Variants in DOCK11 observed in about 807,000 individuals in gnomAD.
DOCK11 encodes the protein dedicator of cytokinesis 11, also known as dedicator of cytokinesis protein 11.
A neutral mutation model predicts 169.1 loss-of-function variants in DOCK11; 70 were observed. The observed-to-expected ratio is 0.41, with a 90% CI of 0.34 to 0.51. The LOEUF is 0.51. DOCK11 is among the 20% of genes least tolerant of loss of function. The pLI, the probability that DOCK11 is intolerant of heterozygous loss-of-function variation, is 0.10. For missense variants in DOCK11, 1,166 were observed against 1,538.8 expected (o/e 0.76, Z 4.05); for synonymous variants, 529 against 541.3 (o/e 0.98, Z 0.32).
intron 34 of DOCK11, among the ~76,000 whole-genome samples, chrX:118,629,569 A>G (rs2015185301): frequency 8.9e-6 from 1 of 112,073 alleles, no homozygotes; most frequent in African/African-American, 3.2e-5. Flanking sequence ...ACACATCAGT[A>G]CTTTGTAGAG....
intron 51 of DOCK11, among the ~76,000 whole-genome samples, chrX:118,682,031 A>G (rs1244467971): frequency 8.9e-6 from 1 of 111,745 alleles, no homozygotes; most frequent in Admixed American, 9.6e-5. Flanking sequence ...CCAGTTTACT[A>G]TATTGCTTTG....
intron 39 of DOCK11, among the ~76,000 whole-genome samples, chrX:118,642,439 A>G (rs2015556353): frequency 8.9e-6 from 1 of 112,256 alleles, no homozygotes; most frequent in Non-Finnish European, 1.9e-5. Context: ...TATACCTGAA[A>G]CTGGTGAATT....
intron 52 of DOCK11, among the ~76,000 whole-genome samples, chrX:118,685,237 A>C (rs2016832534): frequency 9.0e-6 from 1 of 111,666 alleles, no homozygotes; most frequent in Admixed American, 9.6e-5. Flanking sequence ...TAAGACTTTT[A>C]TCTTCATTTA....
chrX:118,628,467 G>T (rs1007360399), intron 34 of DOCK11, among the ~76,000 whole-genome samples, 195 bp downstream of exon 34: 1 of 112,248 alleles, frequency 8.9e-6, no homozygotes, highest in Non-Finnish European at 1.9e-5. Context: ...ACTATTTATA[G>T]AGAATAAGGC....
Position 118,507,842 on chromosome X carries a change from A to G in DOCK11, c.102+11769A>G, listed in dbSNP as rs58216740. Among the ~76,000 whole-genome samples, 281 of 111,558 alleles carry G rather than the reference A, an allele frequency of 2.5e-3. 2 individuals carry two copies. Among genetic ancestry groups the G allele is most frequent in the African/African-American group, 8.4e-3 (257 of 30,683 alleles). On this transcript the variant is annotated intron_variant, in intron 1 of 52. Coordinates refer to ENST00000276202, the MANE Select transcript of DOCK11 (RefSeq NM_144658.4). ...CAGTGAGGCAGGCCATAGGTTATTT[A>G]TATTAATGAAATGACAGAGCAGGTA...
Position 118,578,531 on chromosome X carries a change from T to C in DOCK11, c.1396T>C (p.Phe466Leu). The C allele has an allele frequency of 8.3e-7, 1 of 1,208,404 alleles. No homozygotes were observed. ...SQLRYIQQGI[F>L]SVTNPHPEIF... ...GGAAGTACTTTTTTCCCAGGGAATT[T>C]TCTCAGTGACGAATCCACATCCTGA... Residue 466 changes from phenylalanine (F) to leucine (L), a missense_variant, in exon 13 of 53, where the codon TTC becomes CTC. By Grantham distance (22) the Phe-to-Leu change is conservative. Transcript: ENST00000276202.
intron 6 of DOCK11, among the ~76,000 whole-genome samples, chrX:118,548,476 A>G (rs1432024472): frequency 9.0e-6 from 1 of 111,689 alleles, no homozygotes; most frequent in Non-Finnish European, 1.9e-5. Flanking sequence ...GGGTGGGCCC[A>G]GTGCAATTTC....
chrX:118,671,345 C>G (rs2016467068), intron 46 of DOCK11, among the ~76,000 whole-genome samples, 200 bp downstream of exon 46: 1 of 111,509 alleles, frequency 9.0e-6, no homozygotes, highest in Non-Finnish European at 1.9e-5. Context: ...GTGACAATTC[C>G]TAAAAATGCT....
At chrX:118,626,053 C>T (rs976369764) in intron 32 of DOCK11, among the ~76,000 whole-genome samples, 13 of 106,923 alleles carry the variant, frequency 1.2e-4, no homozygotes, top group Non-Finnish European at 7.7e-5. Context: ...ATCTGTCATT[C>T]CAAATCCTTT....
chrX:118,623,620 G>T (rs2015026450), intron 31 of DOCK11, among the ~76,000 whole-genome samples: 1 of 112,810 alleles, frequency 8.9e-6, no homozygotes, highest in Non-Finnish European at 1.9e-5. Flanking sequence ...CTGTTAAGAA[G>T]GGAAGGGTTT....
At chrX:118,511,872 GTTGC>G (rs1436172508) in intron 1 of DOCK11, among the ~76,000 whole-genome samples, 6 of 112,066 alleles carry the variant, frequency 5.4e-5, no homozygotes, top group Non-Finnish European at 1.9e-5. Flanking sequence ...TTTGTGAACT[GTTGC>G]TTGAATTGAA....
At position 118,561,366 on chromosome X, in the gene DOCK11, G is replaced by A. The variant is rs753028669; in HGVS notation, c.559-17G>A. 2.1e-5 allele frequency: 25 copies of A among 1,165,336 alleles called. No individual in the cohort carries two copies. The highest frequency in any genetic ancestry group is 2.4e-4 in the Middle Eastern group (1 of 4,106). On this transcript the variant is annotated splice_polypyrimidine_tract_variant and intron_variant, in intron 6 of 52. Coordinates refer to ENST00000276202, the MANE Select transcript of DOCK11 (RefSeq NM_144658.4). ...TATATGTAACAAATGTATCATTGCT[G>A]GGTTTTCCCCATGTAGGTATTCAAG...
chrX:118,657,870 G>GGT (rs2016115253), intron 44 of DOCK11, among the ~76,000 whole-genome samples: 3 of 109,667 alleles, frequency 2.7e-5, no homozygotes, highest in Non-Finnish European at 5.7e-5. Flanking sequence ...CTACACATTG[G>GGT]GTACTGCTCG....
rs189753509 is a variant in DOCK11 at position 118,618,669 on chromosome X, A to G, written c.3412A>G (p.Ile1138Val). The G allele has an allele frequency of 1.3e-4, 158 of 1,206,446 alleles. 1 individual carries two copies. Among genetic ancestry groups the G allele is most frequent in the South Asian group, 1.2e-4 (7 of 56,151 alleles). Residue 1138 changes from isoleucine (I) to valine (V), a missense_variant, in exon 31 of 53, where the codon ATC (isoleucine) becomes GTC (valine). By Grantham distance (29) the Ile-to-Val change is conservative. Coordinates refer to ENST00000276202, the MANE Select transcript of DOCK11 (RefSeq NM_144658.4). ...QDNYEIRYTA[I>V]SVIKNLLIKH... The stretch of plus-strand genomic sequence containing the variant: ...CAATTATGAGATCAGATATACAGCT[A>G]TCTCTGTTATAAAGAATCTTTTGAT...
chrX:118,549,607 G>A (rs750908471), intron 6 of DOCK11, among the ~76,000 whole-genome samples: 3 of 111,724 alleles, frequency 2.7e-5, no homozygotes, highest in Non-Finnish European at 3.8e-5. Context: ...AGGCTGGAGT[G>A]CAGTGGCGTG....
intron 47 of DOCK11, 115 bp from the exon 48 acceptor site, chrX:118,676,476 A>G: frequency 2.5e-6 from 1 of 403,023 alleles, no homozygotes; most frequent in Non-Finnish European, 4.0e-6. Context: ...ACTTTTAGTA[A>G]TATTATTCAA....
intron 40 of DOCK11, among the ~76,000 whole-genome samples, chrX:118,647,639 ATAT>A (rs1480720503): frequency 1.6e-5 from 1 of 62,601 alleles, no homozygotes; most frequent in Non-Finnish European, 2.7e-5. Context: ...ATATGTTAAT[ATAT>A]TATATGTTTA....
chrX:118,657,243 A>G (rs2016095646), intron 44 of DOCK11, among the ~76,000 whole-genome samples: 2 of 111,580 alleles, frequency 1.8e-5, no homozygotes, highest in South Asian at 3.7e-4. Context: ...AGCCATTTAT[A>G]TATTTCATAA....
At chrX:118,508,907 C>T (rs1246354424) in intron 1 of DOCK11, among the ~76,000 whole-genome samples, 1 of 112,394 alleles carries the variant, frequency 8.9e-6, no homozygotes, top group East Asian at 2.8e-4. Flanking sequence ...TCCCTGCCTG[C>T]CCTGCTTCCT....
Sources: allele counts gnomAD v4.1 joint callset (sites outside exome capture counted in the v4.1 genomes callset), GRCh38; gene constraint gnomAD v4.1.1; transcripts MANE v1.5; gene names NCBI Gene and HGNC (gene_info 2026-07-23, HGNC 2026-07-21).